Variants in HERC2 observed in about 807,000 individuals in gnomAD.
The protein encoded by HERC2 is HECT and RLD domain containing E3 ubiquitin protein ligase 2.
A neutral mutation model predicts 537.7 loss-of-function variants in HERC2; 102 were observed. The ratio of observed to expected loss-of-function variants is 0.19; its 90% confidence interval spans 0.16 to 0.22. HERC2 has a LOEUF of 0.22. HERC2 is among the 10% of genes least tolerant of loss of function. The probability of loss-of-function intolerance (pLI) is 1.00; values close to 1 mark genes in which losing one functional copy is unlikely to be tolerated. For missense variants in HERC2, 4,236 were observed against 6,198.2 expected, an observed-to-expected ratio of 0.68 and a Z score of 10.63; for synonymous variants, 2,224 against 2,466.2, an observed-to-expected ratio of 0.90 and a Z score of 2.91.
At chr15:28,274,758 G>A in intron 6 of HERC2, 147 bp downstream of exon 6, 1 of 697,860 alleles carries the variant, frequency 1.4e-6, no homozygotes, top group Middle Eastern at 2.7e-4. Flanking sequence ...AACAGCCTCT[G>A]CAGCCTCTCA....
In HERC2 at chr15:28,224,149, C is replaced by CCA. The variant is rs1291459553; in HGVS notation, c.5465-1936_5465-1935dup. The stretch of plus-strand genomic sequence containing the variant: ...TAAAAAATTATACACACACACACAC[C>CCA]CACACACACACACACACAGAGAGAG... On this transcript the variant is annotated intron_variant, in intron 35 of 92. Coordinates refer to ENST00000261609, the MANE Select transcript of HERC2 (RefSeq NM_004667.6). 4.5e-5 allele frequency among the ~76,000 whole-genome samples: 6 copies of CCA among 133,068 alleles called. 1 individual carries two copies. The highest frequency in any genetic ancestry group is 5.2e-4 in the South Asian group (2 of 3,822). 87.3% of individuals were successfully genotyped at this position (133,068 alleles called of 152,430 possible).
intron 88 of HERC2, among the ~76,000 whole-genome samples, chr15:28,115,861 G>A (rs369514497): frequency 6.6e-5 from 10 of 152,362 alleles, no homozygotes; most frequent in African/African-American, 2.2e-4. Context: ...GGGAGCTACA[G>A]CCCTGCCCAG....
intron 71 of HERC2, among the ~76,000 whole-genome samples, chr15:28,145,759 T>C (rs1891666028): frequency 6.6e-6 from 1 of 152,128 alleles, no homozygotes; most frequent in African/African-American, 2.4e-5. Flanking sequence ...AAAAGACCAT[T>C]TCACAAGCAC....
intron 70 of HERC2, among the ~76,000 whole-genome samples, chr15:28,149,554 C>T (rs1276313932): frequency 2.6e-5 from 4 of 151,530 alleles, no homozygotes; most frequent in African/African-American, 9.7e-5. Flanking sequence ...AGAATGGCCA[C>T]ACCAACATAC....
rs1260799645 is a variant in HERC2 at position 28,116,997 on chromosome 15, C to T, written c.13414+16G>A. 6 of 1,614,024 alleles carry T rather than the reference C, an allele frequency of 3.7e-6. No homozygotes were observed. The East Asian group carries it at 6.7e-5, about 18-fold the overall frequency. ...TGCCGGGGACACAGGTGCTCCAGCA[C>T]GTGGCAAGTTCTCACCCACAAACTT... On this transcript the variant is annotated intron_variant, in intron 87 of 92. Transcript: ENST00000261609.
At chr15:28,319,355 G>T (rs1350500956) in intron 2 of HERC2, among the ~76,000 whole-genome samples, 2 of 152,030 alleles carry the variant, frequency 1.3e-5, no homozygotes, top group Non-Finnish European at 2.9e-5. Context: ...GGAGGCCGAG[G>T]CAGGCAGATC....
intron 15 of HERC2, among the ~76,000 whole-genome samples, chr15:28,262,124 C>T (rs1438755473): frequency 6.6e-6 from 1 of 152,188 alleles, no homozygotes; most frequent in Non-Finnish European, 1.5e-5. Context: ...CTTTTCCCTT[C>T]TTCCTACTTT....
At chr15:28,218,343 G>A in intron 38 of HERC2, 146 bp downstream of exon 38, 2 of 724,076 alleles carry the variant, frequency 2.8e-6, no homozygotes, top group Admixed American at 4.6e-5. Flanking sequence ...AATTTCTACT[G>A]TGTAAGCCCC....
rs759353462 is a variant in HERC2 at position 28,121,396 on chromosome 15, T to C, written c.13222A>G (p.Met4408Val). ...AAFRKVVQATMVRDRQHGPVV... is the reference protein window; with the variant it reads ...AAFRKVVQATVVRDRQHGPVV... ...GGGCCATGCTGACGATCGCGTACCA[T>C]AGTTGCTTGTACTACTTTCCGGAAA... The change falls in exon 86 of 93, where the codon ATG (methionine) becomes GTG (valine). Residue 4408 changes from methionine (M) to valine (V), a missense_variant. By Grantham distance (21) the Met-to-Val change is conservative. This residue lies in a region of HERC2 where 189 missense variants were observed against 255.7 expected (regional missense o/e 0.74). Transcript: ENST00000261609. The C allele has an allele frequency of 8.7e-6, 14 of 1,614,216 alleles. No homozygotes were observed. The highest frequency in any genetic ancestry group is 2.2e-5 in the East Asian group (1 of 44,878).
chr15:28,279,651 A>ACACACACACAC (rs2075971136), intron 5 of HERC2, among the ~76,000 whole-genome samples: 5 of 150,944 alleles, frequency 3.3e-5, no homozygotes, highest in African/African-American at 9.8e-5. Flanking sequence ...ACACACACAC[A>ACACACACACAC]AATTGTTTTT....
At position 28,132,247 on chromosome 15, in the gene HERC2, C is replaced by G. The variant is rs1187745542; in HGVS notation, c.12423G>C (p.Gln4141His). The G allele has an allele frequency of 6.2e-7, 1 of 1,610,804 alleles. No individual in the cohort carries two copies. The highest frequency in any genetic ancestry group is 1.7e-5 in the Admixed American group (1 of 59,678). The change falls in exon 81 of 93, where the codon CAG becomes CAC. Residue 4141 changes from glutamine (Q) to histidine (H), a missense_variant. Physicochemically the swap from Gln to His is conservative, Grantham distance 24. Coordinates refer to ENST00000261609, the MANE Select transcript of HERC2 (RefSeq NM_004667.6). Reference sequence around the variant, plus strand: ...AGGCGATGTCAACCACACGGTGGCCCTGCAGCGCCTCCACCTTCAGAGAAA... The same window carrying G: ...AGGCGATGTCAACCACACGGTGGCCGTGCAGCGCCTCCACCTTCAGAGAAA... ...QLKPKLVEAL[Q>H]GHRVVDIACG...
intron 59 of HERC2, 44 bp downstream of exon 59, chr15:28,178,843 A>G: frequency 1.9e-6 from 3 of 1,581,036 alleles, no homozygotes; most frequent in South Asian, 2.3e-5. Context: ...ACGGAGCAGG[A>G]GCAAAGGCCG....
rs1230355828 is a variant in HERC2 at position 28,237,492 on chromosome 15, G to A, written c.3853-379C>T. Among the ~76,000 whole-genome samples the A allele has an allele frequency of 2.6e-5, 4 of 152,280 alleles. No individual in the cohort carries two copies. In the South Asian group the frequency reaches 6.2e-4, roughly 24 times the overall value. The stretch of plus-strand genomic sequence containing the variant: ...GGCAACAAAACTATGACAAGTATTC[G>A]ATGACAAGTATTAGTGGACTGTGAC... On this transcript the variant is annotated intron_variant, in intron 25 of 92. Transcript: ENST00000261609.
At chr15:28,143,046 T>C in intron 74 of HERC2, 94 bp from the exon 75 acceptor site, 1 of 1,167,910 alleles carries the variant, frequency 8.6e-7, no homozygotes, top group Admixed American at 2.7e-5. Context: ...ATTATGTTGG[T>C]ACTAACTCTT....
At chr15:28,254,098 C>A (rs1448365296) in intron 20 of HERC2, among the ~76,000 whole-genome samples, 4 of 151,808 alleles carry the variant, frequency 2.6e-5, no homozygotes, top group Admixed American at 2.6e-4. Context: ...AGCCTGACCA[C>A]CATGAAGAAA....
intron 90 of HERC2, among the ~76,000 whole-genome samples, chr15:28,114,291 G>C (rs1303604453): frequency 6.6e-6 from 1 of 152,210 alleles, no homozygotes; most frequent in Non-Finnish European, 1.5e-5. Flanking sequence ...AGGGGGTTGA[G>C]ACAGCCCCAG....
chr15:28,253,842 G>C (rs7165714), intron 20 of HERC2, among the ~76,000 whole-genome samples: 12,179 of 151,950 alleles, frequency 0.08, 1,670 homozygotes, highest in African/African-American at 0.28. Context: ...GACGCCTGTA[G>C]TCCCAGCTAC....
chr15:28,304,165 C>CAAAAA (rs779514776), intron 2 of HERC2, among the ~76,000 whole-genome samples: 8 of 63,812 alleles, frequency 1.3e-4, no homozygotes, highest in African/African-American at 3.3e-4. Context: ...GACTCCATCT[C>CAAAAA]AAAAAAAAAA....
chr15:28,276,168 A>T (rs2075866581), intron 5 of HERC2, among the ~76,000 whole-genome samples: 1 of 135,676 alleles, frequency 7.4e-6, no homozygotes, highest in South Asian at 2.6e-4. Flanking sequence ...CCTGGGAGGC[A>T]GAGCAAGACT....
Sources: gnomAD v4.1 joint callset for allele counts (sites outside exome capture counted in the v4.1 genomes callset) on GRCh38, gnomAD v4.1.1 for gene constraint, gnomAD v4.1.1 regional missense constraint, MANE v1.5 for transcripts, NCBI Gene and HGNC (gene_info 2026-07-23, HGNC 2026-07-21) for gene names.